MMP16: variants seen among roughly 807,000 people sequenced by gnomAD.
MMP16 encodes matrix metallopeptidase 16, also known as matrix metalloproteinase-16.
In MMP16, 12 loss-of-function variants were observed where a neutral mutation model predicts 67.8. The observed-to-expected ratio is 0.18, with a 90% CI of 0.11 to 0.29. The LOEUF is 0.29. MMP16 is among the 10% of genes least tolerant of loss of function. The probability of loss-of-function intolerance (pLI) is 1.00; values close to 1 mark genes in which losing one functional copy is unlikely to be tolerated. For synonymous variants in MMP16, 249 were observed against 255.9 expected, an observed-to-expected ratio of 0.97 and a Z score of 0.26; for missense variants, 475 against 765.7, an observed-to-expected ratio of 0.62 and a Z score of 4.48.
chr8:88,263,927 T>G (rs2129955299), intron 1 of MMP16, among the ~76,000 whole-genome samples: 1 of 151,710 alleles, frequency 6.6e-6, no homozygotes. Flanking sequence ...GATGCACTTT[T>G]TGGCCGCAAC....
At chr8:88,310,786 G>C (rs1335497106) in intron 1 of MMP16, among the ~76,000 whole-genome samples, 3 of 152,032 alleles carry the variant, frequency 2.0e-5, no homozygotes, top group African/African-American at 7.2e-5. Context: ...GGCAAGAAGA[G>C]AGAAAAAAAG....
At chr8:88,225,261 A>G (rs2129857810) in intron 1 of MMP16, among the ~76,000 whole-genome samples, 1 of 152,122 alleles carries the variant, frequency 6.6e-6, no homozygotes, top group African/African-American at 2.4e-5. Flanking sequence ...ATTTATTTCA[A>G]ATTAAAACTT....
chr8:88,156,741 A>G (rs1395854428), intron 4 of MMP16, among the ~76,000 whole-genome samples: 1 of 152,084 alleles, frequency 6.6e-6, no homozygotes, highest in Non-Finnish European at 1.5e-5. Context: ...TCTATATTGA[A>G]ATAAAGGGAT....
At chr8:88,195,107 C>G (rs1027286115) in intron 2 of MMP16, among the ~76,000 whole-genome samples, 2 of 152,098 alleles carry the variant, frequency 1.3e-5, no homozygotes, top group African/African-American at 4.8e-5. Context: ...GCAAACTGTT[C>G]AGACCCCTTT....
intron 4 of MMP16, among the ~76,000 whole-genome samples, chr8:88,159,559 C>G (rs6988704): frequency 0.056 from 8,449 of 151,484 alleles, 367 homozygotes; most frequent in Admixed American, 0.11. Context: ...TCTAAATATA[C>G]AATCATGTCA....
chr8:88,189,942 C>T (rs1809141552), intron 2 of MMP16, among the ~76,000 whole-genome samples: 1 of 152,166 alleles, frequency 6.6e-6, no homozygotes, highest in Admixed American at 6.6e-5. Flanking sequence ...CAATAAGGAA[C>T]ATGAAGCAAA....
At chr8:88,116,421 G>T in intron 6 of MMP16, 86 bp downstream of exon 6, 1 of 1,143,542 alleles carries the variant, frequency 8.7e-7, no homozygotes, top group South Asian at 1.4e-5. Flanking sequence ...TGGGAAGGTA[G>T]TGTTAGAATG....
chr8:88,170,897 C>G (rs547896246), intron 3 of MMP16, among the ~76,000 whole-genome samples: 1 of 152,186 alleles, frequency 6.6e-6, no homozygotes, highest in East Asian at 1.9e-4. Flanking sequence ...CAGAAGTTCA[C>G]ATAAGAGAAG....
rs779538464 is a variant in MMP16 at position 88,186,539 on chromosome 8, T to C, written c.341A>G (p.His114Arg). 5 of 1,605,512 alleles carry C rather than the reference T, an allele frequency of 3.1e-6. No homozygotes were observed. Among genetic ancestry groups the C allele is most frequent in the Non-Finnish European group, 4.2e-6 (5 of 1,179,024 alleles). ...CAATGCATATCGCTTTCGACGAATATGAAATTTGGAGCTACCTCTTGTCTG... is the reference window on the plus strand; with the variant it reads ...CAATGCATATCGCTTTCGACGAATACGAAATTTGGAGCTACCTCTTGTCTG... ...PDQTRGSSKF[H>R]IRRKRYALTG... Residue 114 changes from histidine to arginine, a missense_variant, in exon 3 of 10, where the codon CAT becomes CGT. Physicochemically the swap from His to Arg is conservative, Grantham distance 29 (BLOSUM62 0). This residue lies in a region of MMP16 where 170 missense variants were observed against 239.6 expected (regional missense o/e 0.71). Transcript: ENST00000286614.
intron 2 of MMP16, among the ~76,000 whole-genome samples, chr8:88,193,327 T>C (rs918606877): frequency 6.6e-6 from 1 of 152,138 alleles, no homozygotes; most frequent in Non-Finnish European, 1.5e-5. Flanking sequence ...TTGCATTGCA[T>C]GTTTTCACAT....
intron 1 of MMP16, among the ~76,000 whole-genome samples, chr8:88,279,979 G>A (rs542972018): frequency 2.6e-5 from 4 of 152,234 alleles, no homozygotes; most frequent in East Asian, 1.9e-4. Context: ...GGAGGTTCCC[G>A]AGGGGCAGAT....
chr8:88,196,631 T>A (rs140806476), intron 2 of MMP16, among the ~76,000 whole-genome samples: 25 of 152,258 alleles, frequency 1.6e-4, no homozygotes, highest in African/African-American at 5.1e-4. Flanking sequence ...GTGAAACCTA[T>A]CTTTGATTTA....
At chr8:88,232,304 C>T (rs1809874543) in intron 1 of MMP16, among the ~76,000 whole-genome samples, 2 of 152,034 alleles carry the variant, frequency 1.3e-5, no homozygotes, top group South Asian at 4.1e-4. Flanking sequence ...TGCCATTTTA[C>T]AGGTGGGAAA....
intron 4 of MMP16, among the ~76,000 whole-genome samples, chr8:88,133,400 ACTAGGAGTTTTCAATAACCCTCCT>A (rs1201318791): frequency 3.3e-5 from 5 of 151,868 alleles, no homozygotes; most frequent in African/African-American, 1.2e-4. Context: ...TGTCTTGTCC[ACTAGGAGTTTTCAATAACCCTCCT>A]CAGTTACTGT....
intron 4 of MMP16, among the ~76,000 whole-genome samples, chr8:88,149,440 T>A (rs1365269226): frequency 6.6e-6 from 1 of 152,106 alleles, no homozygotes. Flanking sequence ...AGCAGTAACC[T>A]CTGCAGACTT....
chr8:88,255,711 A>G (rs1353937509), intron 1 of MMP16, among the ~76,000 whole-genome samples: 1 of 152,160 alleles, frequency 6.6e-6, no homozygotes, highest in East Asian at 1.9e-4. Flanking sequence ...TACTCTGCCG[A>G]AGGATGGGCA....
chr8:88,275,676 A>G (rs1399140845), intron 1 of MMP16, among the ~76,000 whole-genome samples: 2 of 151,922 alleles, frequency 1.3e-5, no homozygotes, highest in East Asian at 3.9e-4. Flanking sequence ...GATCCCTTTC[A>G]TCTTTTTCAG....
intron 4 of MMP16, among the ~76,000 whole-genome samples, chr8:88,128,100 C>T (rs113194223): frequency 2.6e-5 from 4 of 151,832 alleles, no homozygotes; most frequent in African/African-American, 4.8e-5. Context: ...TCAGTCTTTA[C>T]CTGCATGCTG....
At position 88,078,647 on chromosome 8, in the gene MMP16, C is replaced by T. The variant is rs191231960; in HGVS notation, c.1084-3904G>A. Among the ~76,000 whole-genome samples, 319 of 152,034 alleles carry T rather than the reference C, an allele frequency of 2.1e-3. 1 individual carries two copies. The highest frequency in any genetic ancestry group is 5.3e-3 in the Admixed American group (81 of 15,266). Reference sequence around the variant, plus strand: ...GGGCCGAGATTGTGCCACTGCACTCCGCCAGCCTGGGTGATAGAGAGAGAC... The same window carrying T: ...GGGCCGAGATTGTGCCACTGCACTCTGCCAGCCTGGGTGATAGAGAGAGAC... On this transcript the variant is annotated intron_variant, in intron 6 of 9. Transcript: ENST00000286614.
Sources: allele counts gnomAD v4.1 joint callset (sites outside exome capture counted in the v4.1 genomes callset), GRCh38; gene constraint gnomAD v4.1.1; regional missense constraint gnomAD v4.1.1; transcripts MANE v1.5; gene names NCBI Gene and HGNC (gene_info 2026-07-23, HGNC 2026-07-21).